CDH12: variants seen among roughly 807,000 people sequenced by gnomAD.
CDH12 encodes cadherin-12.
In CDH12, 41 loss-of-function variants were observed where a neutral mutation model predicts 74.1. That is an observed-to-expected ratio of 0.55 (90% CI 0.43 to 0.72). The LOEUF (loss-of-function observed/expected upper bound fraction) is 0.72. Among genes scored for constraint, CDH12 ranks in the 30% least tolerant of loss-of-function variants. The probability of loss-of-function intolerance (pLI) is 0.00; values close to 1 mark genes in which losing one functional copy is unlikely to be tolerated. For synonymous variants in CDH12, 399 were observed against 355.0 expected (o/e 1.12, Z -1.39); for missense variants, 945 against 977.2 (o/e 0.97, Z 0.44).
intron 5 of CDH12, among the ~76,000 whole-genome samples, chr5:22,000,882 T>C (rs555746748): frequency 3.3e-5 from 5 of 152,286 alleles, no homozygotes; most frequent in South Asian, 4.1e-4. Flanking sequence ...TTAAAATCAA[T>C]AGACTTTTTA....
intron 1 of CDH12, among the ~76,000 whole-genome samples, chr5:22,639,728 T>C (rs1739046713): frequency 6.6e-6 from 1 of 152,196 alleles, no homozygotes; most frequent in Non-Finnish European, 1.5e-5. Flanking sequence ...CTCTCCCCAC[T>C]AATTAGCCCC....
chr5:22,820,761 A>C (rs1486852372), intron 1 of CDH12, among the ~76,000 whole-genome samples: 4 of 152,108 alleles, frequency 2.6e-5, no homozygotes, highest in African/African-American at 4.8e-5. Flanking sequence ...CAATCAAAAA[A>C]AGTCCAGAAC....
chr5:22,034,135 C>G (rs1336248159), intron 5 of CDH12, among the ~76,000 whole-genome samples: 1 of 152,104 alleles, frequency 6.6e-6, no homozygotes, highest in Non-Finnish European at 1.5e-5. Flanking sequence ...CCTTCGCCTT[C>G]TGGATTCTCC....
intron 3 of CDH12, among the ~76,000 whole-genome samples, chr5:22,264,252 C>G (rs1392963349): frequency 6.6e-6 from 1 of 151,858 alleles, no homozygotes; most frequent in African/African-American, 2.4e-5. Context: ...TCAACATAAA[C>G]TCAGATATGT....
chr5:21,786,713 A>T (rs1746218026), intron 10 of CDH12, among the ~76,000 whole-genome samples: 2 of 152,212 alleles, frequency 1.3e-5, no homozygotes, highest in South Asian at 4.1e-4. Flanking sequence ...AAAGATAGTG[A>T]CTTCTATGAT....
rs138009044 is a variant in CDH12 at position 22,409,270 on chromosome 5, G to C, written c.-427-3919C>G. On this transcript the variant is annotated intron_variant, in intron 2 of 14. Transcript: ENST00000382254. ...CCTTCTAGAGAAACTGCTTACATAT[G>C]GTTTCACTTGTATTTTTAAGTCTTC... Among the ~76,000 whole-genome samples, 373 of 151,976 alleles carry C rather than the reference G, an allele frequency of 2.5e-3. 3 individuals are homozygous for C. Among genetic ancestry groups the C allele is most frequent in the African/African-American group, 8.2e-3 (342 of 41,486 alleles).
chr5:22,033,335 AT>A (rs1047328239), intron 5 of CDH12, among the ~76,000 whole-genome samples: 8 of 152,242 alleles, frequency 5.3e-5, no homozygotes, highest in African/African-American at 1.7e-4. Context: ...ACATGCTTGA[AT>A]TTTTTCACAG....
At chr5:21,761,645 C>T (rs1744723132) in intron 12 of CDH12, among the ~76,000 whole-genome samples, 1 of 151,930 alleles carries the variant, frequency 6.6e-6, no homozygotes, top group African/African-American at 2.4e-5. Context: ...AGTTAAAACC[C>T]AATCTATGAC....
intron 6 of CDH12, among the ~76,000 whole-genome samples, chr5:21,895,720 C>T (rs1267228156): frequency 6.6e-6 from 1 of 152,142 alleles, no homozygotes; most frequent in Non-Finnish European, 1.5e-5. Flanking sequence ...TGAATTCTAC[C>T]ATTCTGGAGA....
chr5:22,437,141 A>G (rs989931921), intron 2 of CDH12, among the ~76,000 whole-genome samples: 1 of 152,032 alleles, frequency 6.6e-6, no homozygotes, highest in Non-Finnish European at 1.5e-5. Context: ...TGTTTAACGC[A>G]TATTTTTTCT....
chr5:22,720,730 T>C (rs1198328657), intron 1 of CDH12, among the ~76,000 whole-genome samples: 2 of 152,150 alleles, frequency 1.3e-5, no homozygotes, highest in Non-Finnish European at 2.9e-5. Flanking sequence ...GTTAGTGATA[T>C]GGACAATGAA....
chr5:22,306,134 G>T (rs1393071935), intron 3 of CDH12, among the ~76,000 whole-genome samples: 1 of 151,876 alleles, frequency 6.6e-6, no homozygotes, highest in Admixed American at 6.6e-5. Context: ...GTTTTCTTTT[G>T]CCCCCCTCTA....
intron 1 of CDH12, among the ~76,000 whole-genome samples, chr5:22,743,110 AG>A (rs1745109877): frequency 6.6e-6 from 1 of 151,680 alleles, no homozygotes; most frequent in Non-Finnish European, 1.5e-5. Flanking sequence ...GTCAGTCTTC[AG>A]ACTGAAACTT....
chr5:22,239,831 A>C (rs1044072718), intron 3 of CDH12, among the ~76,000 whole-genome samples: 2 of 152,188 alleles, frequency 1.3e-5, no homozygotes, highest in Non-Finnish European at 2.9e-5. Flanking sequence ...AGAAAAGAAT[A>C]ACACTTTTTT....
intron 4 of CDH12, among the ~76,000 whole-genome samples, chr5:22,148,079 A>G (rs1441078663): frequency 6.6e-6 from 1 of 152,056 alleles, no homozygotes; most frequent in Admixed American, 6.6e-5. Context: ...CTACTTTAGG[A>G]CTGTGTTCCT....
intron 2 of CDH12, among the ~76,000 whole-genome samples, chr5:22,438,874 GAAA>G (rs1744511711): frequency 6.6e-6 from 1 of 151,450 alleles, no homozygotes; most frequent in South Asian, 2.1e-4. Flanking sequence ...CATTTTAGAA[GAAA>G]ATAAATTTAA....
At chr5:22,813,602 A>G (rs1749251939) in intron 1 of CDH12, among the ~76,000 whole-genome samples, 1 of 152,030 alleles carries the variant, frequency 6.6e-6, no homozygotes, top group Admixed American at 6.6e-5. Context: ...TGATAATGTT[A>G]CATACAATTG....
At chr5:22,441,429 C>T (rs551656059) in intron 2 of CDH12, among the ~76,000 whole-genome samples, 2 of 152,060 alleles carry the variant, frequency 1.3e-5, no homozygotes, top group East Asian at 3.9e-4. Flanking sequence ...AAGAATGTGG[C>T]AATATGCTGG....
chr5:22,809,417 T>C (rs1234319445), intron 1 of CDH12, among the ~76,000 whole-genome samples: 1 of 151,632 alleles, frequency 6.6e-6, no homozygotes, highest in African/African-American at 2.4e-5. Context: ...ATAAAGAACA[T>C]ATTCTAGAAA....
Sources: allele counts gnomAD v4.1 joint callset (sites outside exome capture counted in the v4.1 genomes callset), GRCh38; gene constraint gnomAD v4.1.1; transcripts MANE v1.5; gene names NCBI Gene and HGNC (gene_info 2026-07-23, HGNC 2026-07-21).